GABRB1: variants seen among roughly 807,000 people sequenced by gnomAD.
GABRB1 encodes the protein gamma-aminobutyric acid type A receptor subunit beta1.
In GABRB1, 17 loss-of-function variants were observed where a neutral mutation model predicts 51.6. That is an observed-to-expected ratio of 0.33 (90% CI 0.23 to 0.49). GABRB1 has a LOEUF of 0.49. Among genes scored for constraint, GABRB1 ranks in the 20% least tolerant of loss-of-function variants. GABRB1 has a pLI of 0.99. For synonymous variants in GABRB1, 247 were observed against 218.9 expected (o/e 1.13, Z -1.14); for missense variants, 410 against 600.6 (o/e 0.68, Z 3.32).
chr4:47,252,403 C>T (rs1368390573), intron 4 of GABRB1, among the ~76,000 whole-genome samples: 2 of 151,964 alleles, frequency 1.3e-5, no homozygotes, highest in East Asian at 1.9e-4. Flanking sequence ...AGTCTGCTTC[C>T]TTCAGAGGGT....
chr4:47,223,113 C>T (rs1720824846), intron 4 of GABRB1, among the ~76,000 whole-genome samples: 1 of 152,090 alleles, frequency 6.6e-6, no homozygotes, highest in Non-Finnish European at 1.5e-5. Context: ...AAAGATAACA[C>T]ATTTTTTCTA....
intron 4 of GABRB1, among the ~76,000 whole-genome samples, chr4:47,299,370 G>A (rs1240491267): frequency 1.1e-4 from 17 of 152,072 alleles, no homozygotes; most frequent in South Asian, 2.1e-4. Context: ...CAGAATCTAC[G>A]ATGAACTCAA....
intron 5 of GABRB1, among the ~76,000 whole-genome samples, chr4:47,359,101 T>A (rs1726704450): frequency 6.6e-6 from 1 of 152,188 alleles, no homozygotes; most frequent in East Asian, 1.9e-4. Flanking sequence ...TTTGGGAGAA[T>A]CAAATAAAAT....
intron 4 of GABRB1, among the ~76,000 whole-genome samples, chr4:47,243,899 G>A (rs1721637737): frequency 6.6e-6 from 1 of 152,092 alleles, no homozygotes; most frequent in African/African-American, 2.4e-5. Flanking sequence ...TGATTGCCCT[G>A]GCCAGAACTT....
chr4:47,378,184 G>C (rs899808588), intron 5 of GABRB1, among the ~76,000 whole-genome samples: 3 of 152,214 alleles, frequency 2.0e-5, no homozygotes, highest in East Asian at 3.9e-4. Flanking sequence ...TGCAGGTCCC[G>C]AACCCTGCCC....
chr4:47,213,880 G>T (rs1471376556), intron 4 of GABRB1, among the ~76,000 whole-genome samples: 2 of 150,272 alleles, frequency 1.3e-5, no homozygotes, highest in African/African-American at 2.4e-5. Context: ...AAAATCAATA[G>T]TTCTATATTA....
At chr4:47,054,848 G>T (rs1016504245) in intron 3 of GABRB1, among the ~76,000 whole-genome samples, 2 of 152,168 alleles carry the variant, frequency 1.3e-5, no homozygotes, top group Non-Finnish European at 2.9e-5. Flanking sequence ...GCCTCCCAAA[G>T]TGCTGGGATT....
chr4:47,152,489 C>G (rs1470964447), intron 3 of GABRB1, among the ~76,000 whole-genome samples: 1 of 151,930 alleles, frequency 6.6e-6, no homozygotes. Flanking sequence ...ATCCTAGAAT[C>G]CAATTTCCCA....
intron 4 of GABRB1, among the ~76,000 whole-genome samples, chr4:47,243,451 G>A (rs979039593): frequency 2.0e-5 from 3 of 152,116 alleles, no homozygotes; most frequent in African/African-American, 7.2e-5. Flanking sequence ...GATGGGAATG[G>A]CATTGAATCT....
chr4:47,297,362 C>T (rs1724044020), intron 4 of GABRB1, among the ~76,000 whole-genome samples: 1 of 112,192 alleles, frequency 8.9e-6, no homozygotes, highest in Admixed American at 9.0e-5. Flanking sequence ...AGACCGCTAG[C>T]AAGACTAATA....
chr4:47,156,655 A>AT (rs201161245), intron 3 of GABRB1, among the ~76,000 whole-genome samples: 26 of 144,160 alleles, frequency 1.8e-4, no homozygotes, highest in Non-Finnish European at 2.8e-4. Flanking sequence ...TCATCTCTAG[A>AT]TTTTAAAAAA....
chr4:47,276,637 T>C (rs908238531), intron 4 of GABRB1, among the ~76,000 whole-genome samples: 2 of 152,198 alleles, frequency 1.3e-5, no homozygotes, highest in Non-Finnish European at 2.9e-5. Context: ...AAATTCAGAA[T>C]GGAAATATTT....
At chr4:47,162,742 T>C (rs1718016323) in intron 4 of GABRB1, among the ~76,000 whole-genome samples, 1 of 152,044 alleles carries the variant, frequency 6.6e-6, no homozygotes, top group South Asian at 2.1e-4. Flanking sequence ...TCCACTGCCA[T>C]TCAAGTGCAC....
At chr4:47,381,994 TG>T (rs1727614615) in intron 5 of GABRB1, among the ~76,000 whole-genome samples, 1 of 152,200 alleles carries the variant, frequency 6.6e-6, no homozygotes, top group Admixed American at 6.5e-5. Flanking sequence ...TTGTCTAGGC[TG>T]GGGGTAGGGA....
intron 3 of GABRB1, among the ~76,000 whole-genome samples, chr4:47,141,157 T>A (rs1716916543): frequency 6.6e-6 from 1 of 151,884 alleles, no homozygotes; most frequent in South Asian, 2.1e-4. Context: ...TGTAGAGATG[T>A]CAGATAATAA....
At chr4:47,268,332 A>G (rs1289597407) in intron 4 of GABRB1, among the ~76,000 whole-genome samples, 2 of 152,234 alleles carry the variant, frequency 1.3e-5, no homozygotes, top group East Asian at 1.9e-4. Flanking sequence ...GTTAGGATAC[A>G]TTGCAAAAGA....
intron 4 of GABRB1, among the ~76,000 whole-genome samples, chr4:47,268,286 A>ATTG (rs1297819623): frequency 6.6e-6 from 1 of 152,196 alleles, no homozygotes; most frequent in Non-Finnish European, 1.5e-5. Context: ...ATTTAATTGA[A>ATTG]TTGTTAGACA....
At chr4:47,132,706 G>A (rs1367625413) in intron 3 of GABRB1, among the ~76,000 whole-genome samples, 1 of 152,184 alleles carries the variant, frequency 6.6e-6, no homozygotes, top group Admixed American at 6.5e-5. Flanking sequence ...AAATAGATGG[G>A]TATTTGATGA....
intron 5 of GABRB1, among the ~76,000 whole-genome samples, chr4:47,335,363 A>AG (rs1193861986): frequency 2.0e-5 from 3 of 152,164 alleles, no homozygotes; most frequent in Admixed American, 2.0e-4. Flanking sequence ...TTATATGTAG[A>AG]GGGAAGGTAT....
Sources: gnomAD v4.1 joint callset for allele counts (sites outside exome capture counted in the v4.1 genomes callset) on GRCh38, gnomAD v4.1.1 for gene constraint, MANE v1.5 for transcripts, NCBI Gene and HGNC (gene_info 2026-07-23, HGNC 2026-07-21) for gene names.